The following CAMTA1 variants were observed in gnomAD, a reference collection of about 807,000 sequenced individuals.
The protein encoded by CAMTA1 is calmodulin-binding transcription activator 1.
In CAMTA1, 27 loss-of-function variants were observed where a neutral mutation model predicts 170.9. The observed-to-expected ratio is 0.16, with a 90% CI of 0.12 to 0.22. CAMTA1 has a LOEUF of 0.22. Ranked by LOEUF, CAMTA1 falls within the 10% of genes least tolerant of loss-of-function variation. The probability of loss-of-function intolerance (pLI) is 1.00; values close to 1 mark genes in which losing one functional copy is unlikely to be tolerated. For synonymous variants in CAMTA1, 833 were observed against 891.5 expected, an observed-to-expected ratio of 0.93 and a Z score of 1.17; for missense variants, 1,619 against 2,217.2, an observed-to-expected ratio of 0.73 and a Z score of 5.42.
chr1:7,487,175 T>C (rs996366089), intron 6 of CAMTA1, among the ~76,000 whole-genome samples: 2 of 152,204 alleles, frequency 1.3e-5, no homozygotes, highest in Non-Finnish European at 2.9e-5. Flanking sequence ...TCCTCCCTCC[T>C]GTAGCAAGTG....
At chr1:7,694,895 G>A (rs762796086) in intron 11 of CAMTA1, 1 of 152,222 alleles carries the variant, frequency 6.6e-6, no homozygotes, top group Non-Finnish European at 1.5e-5. Context: ...GCGGGGACCT[G>A]GGGAGAGAGC....
At position 6,841,909 on chromosome 1, in the gene CAMTA1, G is replaced by T. The variant is rs538957012; in HGVS notation, c.234+16699G>T. 2.0e-5 allele frequency among the ~76,000 whole-genome samples: 3 copies of T among 152,286 alleles called. No individual in the cohort carries two copies. In the South Asian group the frequency reaches 6.2e-4, roughly 32 times the overall value. ...CTTGTCAGCAGCCACTACAGGGCCC[G>T]CAAGCCCACCTCAGATGCTGTCATT... is the stretch of plus-strand genomic sequence containing the variant. On this transcript the variant is annotated intron_variant, in intron 3 of 22. Transcript: ENST00000303635.
chr1:7,043,524 G>A (rs370993905), intron 3 of CAMTA1, among the ~76,000 whole-genome samples: 13 of 152,198 alleles, frequency 8.5e-5, no homozygotes, highest in Admixed American at 5.2e-4. Flanking sequence ...GGAAATGTGA[G>A]CCATCAAAAT....
intron 1 of CAMTA1, among the ~76,000 whole-genome samples, chr1:6,811,193 C>T (rs1645123970): frequency 6.6e-6 from 1 of 152,084 alleles, no homozygotes; most frequent in African/African-American, 2.4e-5. Context: ...GCCCTCTTGC[C>T]TTATGGTTTT....
At chr1:7,228,833 G>A (rs1028404679) in intron 4 of CAMTA1, among the ~76,000 whole-genome samples, 2 of 152,104 alleles carry the variant, frequency 1.3e-5, no homozygotes, top group Admixed American at 1.3e-4. Context: ...AGCTGCCTTG[G>A]GGCACTTTGG....
chr1:7,657,382 C>T (rs1030984696), intron 7 of CAMTA1, among the ~76,000 whole-genome samples: 18 of 152,116 alleles, frequency 1.2e-4, no homozygotes, highest in African/African-American at 3.9e-4. Flanking sequence ...AGGTACCGCC[C>T]GGTGAGGTAC....
intron 5 of CAMTA1, among the ~76,000 whole-genome samples, chr1:7,281,616 C>A (rs1346987102): frequency 2.6e-5 from 4 of 152,112 alleles, no homozygotes; most frequent in Non-Finnish European, 4.4e-5. Flanking sequence ...CTGTGAGTAT[C>A]AATATAATTG....
chr1:6,889,802 C>G (rs1040233690), intron 3 of CAMTA1, among the ~76,000 whole-genome samples: 1 of 152,134 alleles, frequency 6.6e-6, no homozygotes, highest in Non-Finnish European at 1.5e-5. Context: ...ATGCATCACT[C>G]TTAGTTTTAT....
At chr1:6,785,641 C>T (rs1406170961) in intron 1 of CAMTA1, 66 bp downstream of exon 1, 2 of 905,546 alleles carry the variant, frequency 2.2e-6, no homozygotes, top group African/African-American at 2.0e-5. Context: ...CCCCGCCGGA[C>T]ATCCCGGGCA....
chr1:7,471,296 G>A (rs892527983), intron 6 of CAMTA1, among the ~76,000 whole-genome samples: 2 of 152,230 alleles, frequency 1.3e-5, no homozygotes, highest in Non-Finnish European at 2.9e-5. Context: ...CGGGCAGGGA[G>A]CCTCTCACAG....
intron 3 of CAMTA1, among the ~76,000 whole-genome samples, chr1:6,988,896 T>C (rs1695843117): frequency 1.3e-5 from 2 of 152,182 alleles, no homozygotes; most frequent in South Asian, 4.1e-4. Context: ...GACCTGCTCT[T>C]TGTAGCACTG....
intron 5 of CAMTA1, among the ~76,000 whole-genome samples, chr1:7,398,197 A>C (rs3986574): frequency 0.08 from 1,260 of 15,822 alleles, 4 homozygotes; most frequent in East Asian, 0.12. Context: ...CTCTCTCTAT[A>C]TATATATATA....
chr1:7,523,146 C>T (rs1039866361), intron 6 of CAMTA1, among the ~76,000 whole-genome samples: 3 of 152,150 alleles, frequency 2.0e-5, no homozygotes, highest in African/African-American at 7.2e-5. Flanking sequence ...GGATTACAGG[C>T]GTGAGCCACC....
At chr1:7,368,788 T>C (rs2086214156) in intron 5 of CAMTA1, among the ~76,000 whole-genome samples, 3 of 152,200 alleles carry the variant, frequency 2.0e-5, no homozygotes, top group African/African-American at 7.2e-5. Flanking sequence ...TTTAAATTGT[T>C]AAATGATTGG....
intron 5 of CAMTA1, among the ~76,000 whole-genome samples, chr1:7,259,092 A>C (rs192580282): frequency 2.6e-4 from 39 of 152,250 alleles, no homozygotes; most frequent in African/African-American, 8.2e-4. Context: ...GGCTGCTTTG[A>C]TGGCCGCTGG....
chr1:6,952,886 C>T (rs1202520319), intron 3 of CAMTA1, among the ~76,000 whole-genome samples: 1 of 152,132 alleles, frequency 6.6e-6, no homozygotes, highest in East Asian at 1.9e-4. Flanking sequence ...GAACTTGGAA[C>T]ATACAGAAAA....
At chr1:7,162,649 CT>C (rs1405290871) in intron 4 of CAMTA1, among the ~76,000 whole-genome samples, 1 of 152,120 alleles carries the variant, frequency 6.6e-6, no homozygotes, top group Non-Finnish European at 1.5e-5. Context: ...TACTTTGTTC[CT>C]TTCTATGGCT....
chr1:7,032,993 A>AT (rs34503656), intron 3 of CAMTA1, among the ~76,000 whole-genome samples: 30,588 of 151,922 alleles, frequency 0.2, 3,299 homozygotes, highest in Non-Finnish European at 0.25. Context: ...TTTTTTCTTT[A>AT]TCACTGGAGT....
intron 3 of CAMTA1, among the ~76,000 whole-genome samples, chr1:6,893,009 G>C (rs1043222215): frequency 2.0e-4 from 31 of 152,036 alleles, no homozygotes; most frequent in Admixed American, 6.5e-5. Context: ...GGCCGGGCGC[G>C]GTGGCTCACG....
Sources: gnomAD v4.1 joint callset for allele counts (sites outside exome capture counted in the v4.1 genomes callset) on GRCh38, gnomAD v4.1.1 for gene constraint, MANE v1.5 for transcripts, NCBI Gene and HGNC (gene_info 2026-07-23, HGNC 2026-07-21) for gene names.